TAF1A: variants seen among roughly 807,000 people sequenced by gnomAD.
TAF1A encodes TATA-box binding protein associated factor, RNA polymerase I subunit A, also known as TATA box-binding protein-associated factor RNA polymerase I subunit A.
A neutral mutation model predicts 61.6 loss-of-function variants in TAF1A; 42 were observed. That is an observed-to-expected ratio of 0.68 (90% confidence interval 0.53 to 0.88). TAF1A has a LOEUF of 0.88. Among genes scored for constraint, TAF1A ranks in the 40% least tolerant of loss-of-function variants. The probability of loss-of-function intolerance (pLI) is 0.00; values close to 1 mark genes in which losing one functional copy is unlikely to be tolerated. For missense variants in TAF1A, 424 were observed against 518.7 expected (o/e 0.82, Z 1.77); for synonymous variants, 179 against 177.7 (o/e 1.01, Z -0.06).
At chr1:222,584,697 A>C (rs1660942373) in intron 2 of TAF1A, among the ~76,000 whole-genome samples, 1 of 152,182 alleles carries the variant, frequency 6.6e-6, no homozygotes, top group Admixed American at 6.5e-5. Flanking sequence ...TGTTCTGCAA[A>C]CCCCAAGTGG....
chr1:222,585,787 T>C (rs540234879), intron 2 of TAF1A, among the ~76,000 whole-genome samples: 2 of 152,164 alleles, frequency 1.3e-5, no homozygotes, highest in South Asian at 2.1e-4. Flanking sequence ...ACATAAAATG[T>C]CCATCTATTA....
At position 222,561,414 on chromosome 1, in the gene TAF1A, G is replaced by GT. The variant is rs1659910492; in HGVS notation, c.1189dup (p.Thr397AsnfsTer6). 2 of 1,612,404 alleles carry GT rather than the reference G, an allele frequency of 1.2e-6. No homozygotes were observed. The highest frequency in any genetic ancestry group is 3.3e-5 in the Admixed American group (2 of 59,802). ...AAAAGCTTTCTCACAGGCCAAAGCT[G>GT]TATCTTCCTTCCAATCACTTTTTGC... is the stretch of plus-strand genomic sequence containing the variant. On this transcript the variant is annotated frameshift_variant, in exon 10 of 11. Coordinates refer to ENST00000352967, the MANE Select transcript of TAF1A (RefSeq NM_005681.4). LOFTEE classifies it high-confidence loss of function.
intron 7 of TAF1A, among the ~76,000 whole-genome samples, chr1:222,568,181 GAAA>G (rs34547178): frequency 2.9e-4 from 35 of 119,408 alleles, no homozygotes; most frequent in African/African-American, 9.0e-4. Context: ...AACACATCTA[GAAA>G]AAAAAAAAAA....
At chr1:222,563,964 G>A (rs759371557) in intron 8 of TAF1A, 95 bp downstream of exon 8, 3 of 737,354 alleles carry the variant, frequency 4.1e-6, no homozygotes, top group African/African-American at 1.8e-5. Context: ...ATAAAATCAG[G>A]AAAGGGGTGG....
chr1:222,577,771 T>C, intron 4 of TAF1A, 128 bp from the exon 5 acceptor site: 1 of 794,632 alleles, frequency 1.3e-6, no homozygotes, highest in South Asian at 1.7e-5. Flanking sequence ...ACATGGAAAA[T>C]TTTGATGTTG....
intron 7 of TAF1A, among the ~76,000 whole-genome samples, chr1:222,566,093 C>T (rs1660106605): frequency 6.6e-6 from 1 of 152,156 alleles, no homozygotes; most frequent in Admixed American, 6.5e-5. Flanking sequence ...AAAAACTGAA[C>T]ACAAAATATA....
rs17464836 is a variant in TAF1A, at chr1:222,588,786, A to C, written c.-2-221T>G. ...ACCGAACCACTAATGTTTCAAGTCCATGTAAAGATAAATAAGATACTGCCC... is the reference window on the plus strand; with the variant it reads ...ACCGAACCACTAATGTTTCAAGTCCCTGTAAAGATAAATAAGATACTGCCC... On this transcript the variant is annotated intron_variant, in intron 1 of 10. Transcript: ENST00000352967. Among the ~76,000 whole-genome samples the C allele has an allele frequency of 0.096, 14,619 of 152,324 alleles. 856 individuals carry two copies. The highest frequency in any genetic ancestry group is 0.17 in the South Asian group (844 of 4,830).
Position 222,564,136 on chromosome 1 carries a change from G to A in TAF1A, c.895-11C>T, listed in dbSNP as rs187439406. 1.5e-3 allele frequency: 2,336 copies of A among 1,531,998 alleles called. 3 individuals are homozygous for A. Among genetic ancestry groups the A allele is most frequent in the Non-Finnish European group, 1.8e-3 (2,057 of 1,114,832 alleles). The allele number at this position is 1,531,998 out of a possible 1,614,324, so 94.9% of individuals were successfully genotyped here. On this transcript the variant is annotated splice_polypyrimidine_tract_variant and intron_variant, in intron 7 of 10. Coordinates refer to ENST00000352967, the MANE Select transcript of TAF1A (RefSeq NM_005681.4). ...AATCTGATACAAAATCTGAAAGAAA[G>A]AACAGTCTTGTAATCTTTACATACT...
At chr1:222,586,306 C>T (rs905483473) in intron 2 of TAF1A, among the ~76,000 whole-genome samples, 1 of 152,250 alleles carries the variant, frequency 6.6e-6, no homozygotes, top group African/African-American at 2.4e-5. Context: ...GTCCTTAAAA[C>T]ATCCCTTATT....
intron 4 of TAF1A, among the ~76,000 whole-genome samples, chr1:222,578,202 G>A (rs1192090727): frequency 6.6e-6 from 1 of 152,068 alleles, no homozygotes; most frequent in Non-Finnish European, 1.5e-5. Context: ...AGGAGAAGCA[G>A]GAAGAAAAAT....
Position 222,577,514 on chromosome 1 carries a change from T to A in TAF1A, c.535A>T (p.Ile179Phe), listed in dbSNP as rs1660620551. The A allele has an allele frequency of 2.5e-6, 4 of 1,613,872 alleles. No individual in the cohort carries two copies. The highest frequency in any genetic ancestry group is 3.4e-6 in the Non-Finnish European group (4 of 1,179,922). The change falls in exon 5 of 11, where the codon ATT becomes TTT. Residue 179 changes from isoleucine (I) to phenylalanine (F), a missense_variant. Transcript: ENST00000352967. ...TSSREILINL[I>F]QAYKGLLQYY... The stretch of plus-strand genomic sequence containing the variant: ...TGTAAAAGCCCTTTATAGGCCTGAA[T>A]AAGGTTGATTAATATTTCCCGGGAA...
chr1:222,587,792 C>T (rs1307127068), intron 2 of TAF1A, among the ~76,000 whole-genome samples: 1 of 152,056 alleles, frequency 6.6e-6, no homozygotes, highest in African/African-American at 2.4e-5. Context: ...TGGCTCATGC[C>T]TGTAATCCCA....
Position 222,558,784 on chromosome 1 carries a change from A to G in TAF1A, c.1241-12T>C, listed in dbSNP as rs1284345394. ...GAAATATCTACAACCTAAAAAGTTA[A>G]GCAAAATAAAAAGTTTTAATACTCA... On this transcript the variant is annotated splice_polypyrimidine_tract_variant and intron_variant, in intron 10 of 10. Transcript: ENST00000352967. The G allele has an allele frequency of 2.1e-6, 3 of 1,421,416 alleles. No homozygotes were observed. Among genetic ancestry groups the G allele is most frequent in the Non-Finnish European group, 2.9e-6 (3 of 1,050,838 alleles). The allele number at this position is 1,421,416 out of a possible 1,614,324, so 88.1% of individuals were successfully genotyped here.
intron 7 of TAF1A, among the ~76,000 whole-genome samples, 185 bp from the exon 8 acceptor site, chr1:222,564,310 C>A: frequency 8.7e-6 from 1 of 115,362 alleles, no homozygotes; most frequent in African/African-American, 3.4e-5. Flanking sequence ...CTCTGTAAAG[C>A]TGTCTTAAAA....
rs1401116577 is a variant in TAF1A at position 222,588,516 on chromosome 1, TTCA to T, written c.45_47del (p.Asp15del). On this transcript the variant is annotated inframe_deletion, in exon 2 of 11. Coordinates refer to ENST00000352967, the MANE Select transcript of TAF1A (RefSeq NM_005681.4). ...CACTGAGCACAGATGTTTCCACTTC[TTCA>T]TCATCTGTCACAGGCCCTTTTAATT... The T allele has an allele frequency of 6.2e-7, 1 of 1,614,040 alleles. No homozygotes were observed.
At chr1:222,556,054 T>C (rs1331939202), downstream of TAF1A, among the ~76,000 whole-genome samples, 1 of 152,112 alleles carries the variant, frequency 6.6e-6, no homozygotes, top group Non-Finnish European at 1.5e-5. Flanking sequence ...AAAAGTTACA[T>C]TCAAGCAGAA....
downstream of TAF1A, chr1:222,557,962 C>A (rs567647611): frequency 6.7e-6 from 1 of 150,184 alleles, no homozygotes; most frequent in Admixed American, 6.6e-5. Flanking sequence ...CGGCTCACTG[C>A]AACCTCCACC....
intron 2 of TAF1A, among the ~76,000 whole-genome samples, chr1:222,587,036 G>A (rs1479968535): frequency 1.3e-5 from 2 of 152,164 alleles, no homozygotes; most frequent in Non-Finnish European, 2.9e-5. Flanking sequence ...ACTGGTAACA[G>A]AAACATACCC....
intron 4 of TAF1A, among the ~76,000 whole-genome samples, chr1:222,579,110 C>T (rs569789576): frequency 3.2e-4 from 48 of 152,234 alleles, no homozygotes; most frequent in Non-Finnish European, 4.9e-4. Context: ...TAAGTAGAAC[C>T]GTAAACTGCC....
Sources: allele counts gnomAD v4.1 joint callset (sites outside exome capture counted in the v4.1 genomes callset), GRCh38; gene constraint gnomAD v4.1.1; transcripts MANE v1.5; gene names NCBI Gene and HGNC (gene_info 2026-07-23, HGNC 2026-07-21).